TCHH: variants seen among roughly 807,000 people sequenced by gnomAD.
TCHH encodes trichohyalin.
Under a neutral mutation model 6.3 loss-of-function variants are expected in TCHH, and 6 were observed. The observed-to-expected ratio is 0.95, with a 90% CI of 0.52 to 1.88. TCHH has a LOEUF of 1.88. TCHH is among the 40% of genes most tolerant of loss of function. The pLI is 0.01. For missense variants in TCHH, 2,920 were observed against 2,449.1 expected (o/e 1.19, Z -4.06); for synonymous variants, 1,087 against 963.6 (o/e 1.13, Z -2.37).
In TCHH at chr1:152,107,805, G is replaced by A; in HGVS notation, c.5412C>T (p.Arg1804=). 2 of 1,612,996 alleles carry A rather than the reference G, an allele frequency of 1.2e-6. No homozygotes were observed. Among genetic ancestry groups the A allele is most frequent in the Non-Finnish European group, 1.7e-6 (2 of 1,179,732 alleles). ...DRKFREEEQL[R]QEREEQQLRP... Reference sequence around the variant, plus strand: ...GCAGCTGCTGTTCTTCCCTCTCCTGGCGTAGCTGTTCCTCCTCGCGGAATT... The same window carrying A: ...GCAGCTGCTGTTCTTCCCTCTCCTGACGTAGCTGTTCCTCCTCGCGGAATT... Residue 1804 remains arginine (R), a synonymous_variant, in exon 3 of 3, where the codon CGC becomes CGT. Coordinates refer to ENST00000614923, the MANE Select transcript of TCHH (RefSeq NM_007113.4).
chr1:152,114,365 C>T (rs529315930), intron 1 of TCHH, among the ~76,000 whole-genome samples: 2 of 152,324 alleles, frequency 1.3e-5, no homozygotes, highest in South Asian at 4.1e-4. Context: ...TGTGGATTAT[C>T]TATGCCCTTT....
chr1:152,112,510 C>CT lies in TCHH; in HGVS notation c.706dup (p.Arg236LysfsTer442), dbSNP rs1658413404. The CT allele has an allele frequency of 1.9e-6, 3 of 1,613,364 alleles. No homozygotes were observed. The highest frequency in any genetic ancestry group is 2.5e-6 in the Non-Finnish European group (3 of 1,180,002). On this transcript the variant is annotated frameshift_variant, in exon 3 of 3. Coordinates refer to ENST00000614923, the MANE Select transcript of TCHH (RefSeq NM_007113.4). LOFTEE classifies it low-confidence loss of function (END_TRUNC). ...TTTCTCTTCTTCCTCCTGGAACACTCTGTCTTGCCGCTCTCGCCTTTGCTG... is the reference window on the plus strand; with the variant it reads ...TTTCTCTTCTTCCTCCTGGAACACTCTTGTCTTGCCGCTCTCGCCTTTGCTG...
Position 152,111,782 on chromosome 1 carries a change from C to A in TCHH, c.1435G>T (p.Asp479Tyr), listed in dbSNP as rs750024571. ...QERRKQQLKR[D>Y]QEEERRERWL... Reference sequence around the variant, plus strand: ...CGTTCGCGCCTCTCCTCCTCCTGGTCGCGCTTCAGCTGCTGCTTGCGCCTC... The same window carrying A: ...CGTTCGCGCCTCTCCTCCTCCTGGTAGCGCTTCAGCTGCTGCTTGCGCCTC... Residue 479 changes from aspartate (D) to tyrosine (Y), a missense_variant, in exon 3 of 3, where the codon GAC (aspartate) becomes TAC (tyrosine). Transcript: ENST00000614923. The A allele has an allele frequency of 1.3e-6, 2 of 1,548,604 alleles. No homozygotes were observed. Among genetic ancestry groups the A allele is most frequent in the Admixed American group, 1.8e-5 (1 of 54,182 alleles).
At position 152,107,976 on chromosome 1, in the gene TCHH, T is replaced by C. The variant is rs763251444; in HGVS notation, c.5241A>G (p.Arg1747=). ...QEQLRRQERY[R]KILEEEQLRP... ...GGAGCTGCTCTTCCTCTAGGATTTT[T>C]CTGTAGCGTTCTTGGCGGCGCAGCT... The change falls in exon 3 of 3, where the codon AGA becomes AGG. Residue 1747 remains arginine (R), a synonymous_variant. Transcript: ENST00000614923. The C allele has an allele frequency of 5.6e-6, 9 of 1,612,706 alleles. No homozygotes were observed. Among genetic ancestry groups the C allele is most frequent in the Non-Finnish European group, 7.6e-6 (9 of 1,179,710 alleles).
rs1341018018 is a variant in TCHH, at chr1:152,113,843, G to A, written c.138+100C>T. ...GGATGTAGTGTAGACCTGTTGTGGT[G>A]TAAAATGAATATAAAACCACCATTC... On this transcript the variant is annotated intron_variant, in intron 2 of 2. Coordinates refer to ENST00000614923, the MANE Select transcript of TCHH (RefSeq NM_007113.4). 3 of 1,401,360 alleles carry A rather than the reference G, an allele frequency of 2.1e-6. No individual in the cohort carries two copies. In the African/African-American group the frequency reaches 4.3e-5, roughly 20 times the overall value. 86.8% of individuals were successfully genotyped at this position (1,401,360 alleles called of 1,614,324 possible). A position where few individuals can be genotyped will look rare whatever the true frequency, so the allele number is the denominator to read the frequency against.
At position 152,108,443 on chromosome 1, in the gene TCHH, C is replaced by T. The variant is rs1658188206; in HGVS notation, c.4774G>A (p.Glu1592Lys). 6.2e-7 allele frequency: 1 copy of T among 1,612,816 alleles called. No homozygotes were observed. Among genetic ancestry groups the T allele is most frequent in the Non-Finnish European group, 8.5e-7 (1 of 1,179,682 alleles). ...RLEEQKVRRQ[E>K]QERKFMEDEQ... ...TCCTCCATGAATTTTCTCTCTTGTT[C>T]CTGGCGGCGCACTTTCTGTTCCTCT... is the stretch of plus-strand genomic sequence containing the variant. Residue 1592 changes from glutamate (E) to lysine (K), a missense_variant, in exon 3 of 3, where the codon GAA becomes AAA. By Grantham distance (56) the Glu-to-Lys change is moderately conservative (BLOSUM62 1). Coordinates refer to ENST00000614923, the MANE Select transcript of TCHH (RefSeq NM_007113.4).
rs764709761 is a variant in TCHH, at chr1:152,111,926, CCTCCTG to C, written c.1285_1290del (p.Gln429_Glu430del). ...TCGTGCTTCTGCTCGTGCCTCTCCT[CCTCCTG>C]CTCGCGCCTCAGCTGCTGCTCGCGC... On this transcript the variant is annotated inframe_deletion, in exon 3 of 3. Transcript: ENST00000614923. 6.3e-7 allele frequency: 1 copy of C among 1,592,192 alleles called. No homozygotes were observed. The highest frequency in any genetic ancestry group is 8.5e-7 in the Non-Finnish European group (1 of 1,176,212).
chr1:152,109,019 G>A lies in TCHH; in HGVS notation c.4198C>T (p.Arg1400Cys), dbSNP rs1434976068. 2.5e-6 allele frequency: 4 copies of A among 1,612,772 alleles called. No individual in the cohort carries two copies. Among genetic ancestry groups the A allele is most frequent in the South Asian group, 1.1e-5 (1 of 90,970 alleles). Residue 1400 changes from arginine to cysteine, a missense_variant, in exon 3 of 3, where the codon CGC becomes TGC. Physicochemically the swap from Arg to Cys is radical, Grantham distance 180. Transcript: ENST00000614923. ...RKFLKEEQQLRCQEREQQLRQ... is the reference protein window; with the variant it reads ...RKFLKEEQQLCCQEREQQLRQ... ...AGCTGTTGCTCGCGCTCCTGGCAGC[G>A]CAGCTGCTGTTCCTCCTTAAGGAAT...
Position 152,108,191 on chromosome 1 carries a change from G to C in TCHH, c.5026C>G (p.Leu1676Val), listed in dbSNP as rs774156732. The C allele has an allele frequency of 1.2e-6, 2 of 1,610,798 alleles. No homozygotes were observed. The highest frequency in any genetic ancestry group is 1.7e-6 in the Non-Finnish European group (2 of 1,179,108). The change falls in exon 3 of 3, where the codon CTC becomes GTC. Residue 1676 changes from leucine to valine, a missense_variant. Transcript: ENST00000614923. ...DRKFREEEQL[L>V]QEGEEQQLRR... is the part of the protein sequence containing the mutation. The stretch of plus-strand genomic sequence containing the variant: ...AGCTGCTGTTCCTCCCCTTCCTGGA[G>C]CAGCTGTTCCTCTTCACGGAATTTT...
intron 1 of TCHH, 21 bp from the exon 2 acceptor site, chr1:152,114,132 C>G: frequency 6.5e-7 from 1 of 1,534,176 alleles, no homozygotes; most frequent in Non-Finnish European, 8.7e-7. Context: ...AAAATAAGAT[C>G]CAGAATCAAA....
chr1:152,113,225 TC>T, intron 2 of TCHH, 147 bp from the exon 3 acceptor site: 1 of 840,438 alleles, frequency 1.2e-6, no homozygotes, highest in Non-Finnish European at 1.8e-6. Context: ...TCAAGTTTTG[TC>T]CCCATGTAAA....
Position 152,107,494 on chromosome 1 carries a change from C to T in TCHH, c.5723G>A (p.Gly1908Asp). 3 of 1,614,204 alleles carry T rather than the reference C, an allele frequency of 1.9e-6. No individual in the cohort carries two copies. Among genetic ancestry groups the T allele is most frequent in the Non-Finnish European group, 2.5e-6 (3 of 1,180,028 alleles). Residue 1908 changes from glycine (G) to aspartate (D), a missense_variant, in exon 3 of 3, where the codon GGC becomes GAC. Physicochemically the swap from Gly to Asp is moderately conservative, Grantham distance 94. Coordinates refer to ENST00000614923, the MANE Select transcript of TCHH (RefSeq NM_007113.4). ...VGEIKSQEGK[G>D]HGRLLEPGTH... ...GCCGGGCTCCAGAAGCCGCCCATGG[C>T]CCTTCCCTTCTTGGGATTTTATCTC...
rs377687290 is a variant in TCHH, at chr1:152,109,222, T to C, written c.3995A>G (p.Gln1332Arg). 40 of 1,614,150 alleles carry C rather than the reference T, an allele frequency of 2.5e-5. No individual in the cohort carries two copies. The highest frequency in any genetic ancestry group is 3.3e-5 in the Non-Finnish European group (39 of 1,180,046). ...REEREEKRRR[Q>R]ETDRKFREEE... Reference sequence around the variant, plus strand: ...CTCGCGGAATTTTCTGTCTGTCTCTTGACGGCGTCTCTTCTCTTCTCTTTC... The same window carrying C: ...CTCGCGGAATTTTCTGTCTGTCTCTCGACGGCGTCTCTTCTCTTCTCTTTC... Residue 1332 changes from glutamine (Q) to arginine (R), a missense_variant, in exon 3 of 3, where the codon CAA (glutamine) becomes CGA (arginine). By Grantham distance (43) the Gln-to-Arg change is conservative (BLOSUM62 1). Transcript: ENST00000614923.
In TCHH at chr1:152,111,424, A is replaced by G; in HGVS notation, c.1793T>C (p.Leu598Pro). Residue 598 changes from leucine (L) to proline (P), a missense_variant, in exon 3 of 3, where the codon CTC (leucine) becomes CCC (proline). Coordinates refer to ENST00000614923, the MANE Select transcript of TCHH (RefSeq NM_007113.4). ...QRLKREQEERLEQRLKREEVE... is the reference protein window; with the variant it reads ...QRLKREQEERPEQRLKREEVE... ...CTCCTCGCGCTTCAGTCGCTGCTCGAGCCTCTCTTCCTGCTCGCGCTTCAG... is the reference window on the plus strand; with the variant it reads ...CTCCTCGCGCTTCAGTCGCTGCTCGGGCCTCTCTTCCTGCTCGCGCTTCAG... 1 of 1,547,064 alleles carries G rather than the reference A, an allele frequency of 6.5e-7. No individual in the cohort carries two copies. The highest frequency in any genetic ancestry group is 8.7e-7 in the Non-Finnish European group (1 of 1,153,412).
At position 152,114,033 on chromosome 1, in the gene TCHH, A is replaced by T. The variant is rs1658450813; in HGVS notation, c.48T>A (p.Asn16Lys). 6.2e-7 allele frequency: 1 copy of T among 1,613,510 alleles called. No homozygotes were observed. Among genetic ancestry groups the T allele is most frequent in the South Asian group, 1.1e-5 (1 of 90,862 alleles). Residue 16 changes from asparagine to lysine, a missense_variant, in exon 2 of 3, where the codon AAT (asparagine) becomes AAA (lysine). Asn to Lys is a moderately conservative substitution (Grantham distance 94). Transcript: ENST00000614923. ...RSICDITEIF[N>K]QYVSHDCDGA... is the part of the protein sequence containing the mutation. Reference sequence around the variant, plus strand: ...CATCACAATCATGAGAGACATACTGATTGAAAATTTCAGTGATGTCACAGA... The same window carrying T: ...CATCACAATCATGAGAGACATACTGTTTGAAAATTTCAGTGATGTCACAGA...
chr1:152,109,381 C>A lies in TCHH; in HGVS notation c.3836G>T (p.Arg1279Leu). 6.2e-7 allele frequency: 1 copy of A among 1,614,264 alleles called. No homozygotes were observed. The highest frequency in any genetic ancestry group is 8.5e-7 in the Non-Finnish European group (1 of 1,180,056). ...CTGCCAGCGCCTCCTCTCTTGCTCA[C>A]GATCTCGCTCTTGCTGTTCACCCAG... ...HLLGEQQERDREQERRRWQQR... is the reference protein window; with the variant it reads ...HLLGEQQERDLEQERRRWQQR... The change falls in exon 3 of 3, where the codon CGT (arginine) becomes CTT (leucine). Residue 1279 changes from arginine to leucine, a missense_variant. Coordinates refer to ENST00000614923, the MANE Select transcript of TCHH (RefSeq NM_007113.4).
rs1658188393 is a variant in TCHH at position 152,108,446 on chromosome 1, G to C, written c.4771C>G (p.Gln1591Glu). 6.2e-7 allele frequency: 1 copy of C among 1,613,328 alleles called. No individual in the cohort carries two copies. Among genetic ancestry groups the C allele is most frequent in the African/African-American group, 1.3e-5 (1 of 74,746 alleles). ...TCCATGAATTTTCTCTCTTGTTCCTGGCGGCGCACTTTCTGTTCCTCTAAA... is the reference window on the plus strand; with the variant it reads ...TCCATGAATTTTCTCTCTTGTTCCTCGCGGCGCACTTTCTGTTCCTCTAAA... ...FRLEEQKVRRQEQERKFMEDE... is the reference protein window; with the variant it reads ...FRLEEQKVRREEQERKFMEDE... The change falls in exon 3 of 3, where the codon CAG becomes GAG. Residue 1591 changes from glutamine to glutamate, a missense_variant. Gln to Glu is a conservative substitution (Grantham distance 29, BLOSUM62 2). Coordinates refer to ENST00000614923, the MANE Select transcript of TCHH (RefSeq NM_007113.4).
At position 152,107,543 on chromosome 1, in the gene TCHH, C is replaced by T. The variant is rs1340407830; in HGVS notation, c.5674G>A (p.Glu1892Lys). 3.7e-6 allele frequency: 6 copies of T among 1,614,168 alleles called. No homozygotes were observed. The highest frequency in any genetic ancestry group is 2.7e-5 in the African/African-American group (2 of 75,048). The change falls in exon 3 of 3, where the codon GAA becomes AAA. Residue 1892 changes from glutamate (E) to lysine (K), a missense_variant. Physicochemically the swap from Glu to Lys is moderately conservative, Grantham distance 56. Transcript: ENST00000614923. ...EEHIRRQQKE[E>K]QRHRQVGEIK... is the part of the protein sequence containing the mutation. ...TCCCCGACTTGGCGGTGCCTCTGTT[C>T]CTCCTTCTGCTGGCGGCGGATGTGT...
Position 152,112,703 on chromosome 1 carries a change from C to G in TCHH, c.514G>C (p.Glu172Gln). The change falls in exon 3 of 3, where the codon GAG becomes CAG. Residue 172 changes from glutamate to glutamine, a missense_variant. Coordinates refer to ENST00000614923, the MANE Select transcript of TCHH (RefSeq NM_007113.4). ...EQRDRQRRDE[E>Q]LWRQRQEWQE... ...CATTCTTGCCTTTGCCGCCACAGCT[C>G]CTCGTCGCGGCGCTGCCTGTCGCGC... is the stretch of plus-strand genomic sequence containing the variant. 7.4e-6 allele frequency: 12 copies of G among 1,614,128 alleles called. No homozygotes were observed. Among genetic ancestry groups the G allele is most frequent in the Non-Finnish European group, 1.0e-5 (12 of 1,180,022 alleles).
Sources: gnomAD v4.1 joint callset for allele counts (sites outside exome capture counted in the v4.1 genomes callset) on GRCh38, gnomAD v4.1.1 for gene constraint, MANE v1.5 for transcripts, NCBI Gene and HGNC (gene_info 2026-07-23, HGNC 2026-07-21) for gene names.